MORN5: variants seen among roughly 807,000 people sequenced by gnomAD.
The protein encoded by MORN5 is MORN repeat-containing protein 5.
MORN5 carries 21 observed loss-of-function variants against 22.1 expected under a neutral mutation model. That is an observed-to-expected ratio of 0.95 (90% CI 0.67 to 1.37). The LOEUF (loss-of-function observed/expected upper bound fraction) is 1.37, where lower values mean the gene tolerates loss of function less well. Among genes scored for constraint, MORN5 ranks in the 40% most tolerant of loss-of-function variants. The pLI is 0.00. For missense variants in MORN5, 211 were observed against 215.1 expected (o/e 0.98, Z 0.12); for synonymous variants, 73 against 74.0 (o/e 0.99, Z 0.07).
intron 1 of MORN5, among the ~76,000 whole-genome samples, chr9:122,166,176 T>A (rs1829275682): frequency 6.6e-6 from 1 of 152,100 alleles, no homozygotes; most frequent in Non-Finnish European, 1.5e-5. Flanking sequence ...CATGATTCAG[T>A]TACCTCCCAC....
rs372343730 is a variant in MORN5, at chr9:122,186,023, G to A, written c.439+11396G>A. ...GCGGGGACATCCATGCTTTATCTGC[G>A]GTGTTGTTAGCAGCACCGTAATGAA... On this transcript the variant is annotated intron_variant, in intron 4 of 4. Coordinates refer to ENST00000373764, the MANE Select transcript of MORN5 (RefSeq NM_198469.4). 3.1e-4 allele frequency among the ~76,000 whole-genome samples: 47 copies of A among 152,266 alleles called. 1 individual carries two copies. In the South Asian group the frequency reaches 8.7e-3, roughly 28 times the overall value.
chr9:122,165,605 C>G (rs954971852), intron 1 of MORN5, among the ~76,000 whole-genome samples: 1 of 151,946 alleles, frequency 6.6e-6, no homozygotes, highest in Non-Finnish European at 1.5e-5. Context: ...AACAAAGAAG[C>G]TAGTCAACTG....
At chr9:122,178,039 A>G (rs1829479659) in intron 4 of MORN5, among the ~76,000 whole-genome samples, 1 of 152,238 alleles carries the variant, frequency 6.6e-6, no homozygotes, top group African/African-American at 2.4e-5. Context: ...ATAAAAGAGG[A>G]AACAAAAGAA....
chr9:122,194,389 C>T (rs1385947354), intron 4 of MORN5, among the ~76,000 whole-genome samples: 1 of 152,158 alleles, frequency 6.6e-6, no homozygotes, highest in East Asian at 1.9e-4. Context: ...GGGAGACAGA[C>T]AACATGCACG....
intron 1 of MORN5, among the ~76,000 whole-genome samples, chr9:122,160,550 C>CTTCCTTCCTTCCTTTT (rs1158255528): frequency 3.3e-5 from 5 of 149,868 alleles, no homozygotes; most frequent in Non-Finnish European, 7.4e-5. Context: ...CTTTTCCTTC[C>CTTCCTTCCTTCCTTTT]TTCCTTCCTT....
At chr9:122,179,828 T>C (rs923944073) in intron 4 of MORN5, among the ~76,000 whole-genome samples, 1 of 152,204 alleles carries the variant, frequency 6.6e-6, no homozygotes, top group Non-Finnish European at 1.5e-5. Flanking sequence ...CAGGGACCTC[T>C]TTCTGCTGCA....
intron 1 of MORN5, among the ~76,000 whole-genome samples, 193 bp downstream of exon 1, chr9:122,160,212 C>G (rs567856097): frequency 6.6e-6 from 1 of 152,216 alleles, no homozygotes; most frequent in East Asian, 1.9e-4. Context: ...TGTGTGTGTG[C>G]ATTGACTGTG....
intron 4 of MORN5, among the ~76,000 whole-genome samples, chr9:122,190,267 C>T (rs531374820): frequency 6.6e-6 from 1 of 152,346 alleles, no homozygotes; most frequent in South Asian, 2.1e-4. Context: ...TCAATTATTT[C>T]CACATATTAA....
chr9:122,172,299 C>T (rs1829377794), intron 3 of MORN5, among the ~76,000 whole-genome samples: 1 of 144,076 alleles, frequency 6.9e-6, no homozygotes, highest in Non-Finnish European at 1.5e-5. Flanking sequence ...TTGCCTCCCT[C>T]CCGCCCCGCC....
At chr9:122,183,942 C>T (rs1020975299) in intron 4 of MORN5, among the ~76,000 whole-genome samples, 2 of 152,108 alleles carry the variant, frequency 1.3e-5, no homozygotes, top group Non-Finnish European at 2.9e-5. Flanking sequence ...CCACAAGCCT[C>T]ATTTGAATGC....
At chr9:122,186,095 G>A (rs968101124) in intron 4 of MORN5, among the ~76,000 whole-genome samples, 3 of 152,178 alleles carry the variant, frequency 2.0e-5, no homozygotes, top group South Asian at 2.1e-4. Flanking sequence ...TCAAATGCCC[G>A]CACCAATCAC....
chr9:122,174,018 A>C (rs1008921896), intron 3 of MORN5, among the ~76,000 whole-genome samples: 1 of 152,126 alleles, frequency 6.6e-6, no homozygotes, highest in African/African-American at 2.4e-5. Context: ...CCCCTTGTCC[A>C]CCTGATCCAT....
intron 4 of MORN5, among the ~76,000 whole-genome samples, chr9:122,190,513 A>T (rs1002572835): frequency 6.6e-6 from 1 of 152,266 alleles, no homozygotes; most frequent in Non-Finnish European, 1.5e-5. Flanking sequence ...TAATTATAAC[A>T]TTTATTAATT....
intron 4 of MORN5, among the ~76,000 whole-genome samples, chr9:122,188,001 A>T (rs1327193119): frequency 6.6e-6 from 1 of 152,126 alleles, no homozygotes; most frequent in African/African-American, 2.4e-5. Context: ...GGTGCTCCAG[A>T]TGGAGCAGCT....
intron 4 of MORN5, among the ~76,000 whole-genome samples, chr9:122,185,335 G>A (rs542359074): frequency 5.3e-4 from 81 of 152,144 alleles, no homozygotes; most frequent in African/African-American, 1.8e-3. Flanking sequence ...CCATTCTCCT[G>A]CCTCAGCCTC....
intron 4 of MORN5, among the ~76,000 whole-genome samples, chr9:122,195,305 A>G (rs1829864194): frequency 6.6e-6 from 1 of 152,242 alleles, no homozygotes; most frequent in Non-Finnish European, 1.5e-5. Flanking sequence ...ACTGTCTTAC[A>G]TTGGATGGTA....
intron 4 of MORN5, among the ~76,000 whole-genome samples, chr9:122,199,219 TGACCCTGTGGCTGTG>T (rs1829959324): frequency 6.6e-6 from 1 of 152,232 alleles, no homozygotes; most frequent in South Asian, 2.1e-4. Context: ...TCCCACATAC[TGACCCTGTGGCTGTG>T]GACAAGTGCC....
chr9:122,161,527 ATGAC>A (rs1172490500), intron 1 of MORN5, among the ~76,000 whole-genome samples: 1 of 152,176 alleles, frequency 6.6e-6, no homozygotes, highest in Non-Finnish European at 1.5e-5. Flanking sequence ...GAGAAGCAAA[ATGAC>A]TGGCCCACCA....
At chr9:122,191,100 G>C (rs142146338) in intron 4 of MORN5, among the ~76,000 whole-genome samples, 4 of 152,158 alleles carry the variant, frequency 2.6e-5, no homozygotes, top group Non-Finnish European at 4.4e-5. Flanking sequence ...CCTGGCATTC[G>C]GCATAAGCCC....
Sources: allele counts gnomAD v4.1 joint callset (sites outside exome capture counted in the v4.1 genomes callset), GRCh38; gene constraint gnomAD v4.1.1; transcripts MANE v1.5; gene names NCBI Gene and HGNC (gene_info 2026-07-23, HGNC 2026-07-21).